Variants in TMX3 observed in about 807,000 individuals in gnomAD.
The protein encoded by TMX3 is protein disulfide-isomerase TMX3.
A neutral mutation model predicts 64.4 loss-of-function variants in TMX3; 40 were observed. The observed-to-expected ratio is 0.62, with a 90% CI of 0.48 to 0.81. The LOEUF (loss-of-function observed/expected upper bound fraction) is 0.81. Among genes scored for constraint, TMX3 ranks in the 30% least tolerant of loss-of-function variants. TMX3 has a pLI of 0.00. For missense variants in TMX3, 497 were observed against 534.5 expected, an observed-to-expected ratio of 0.93 and a Z score of 0.69; for synonymous variants, 189 against 175.7, an observed-to-expected ratio of 1.08 and a Z score of -0.60.
At position 68,676,857 on chromosome 18, in the gene TMX3, G is replaced by A; in HGVS notation, c.*76C>T. Reference sequence around the variant, plus strand: ...ACATGTTCTTTTCTGTAAAGATCATGATTAAATGTCTAAATTCAATAAATA... The same window carrying A: ...ACATGTTCTTTTCTGTAAAGATCATAATTAAATGTCTAAATTCAATAAATA... On this transcript the variant is annotated 3_prime_UTR_variant, in exon 16 of 16. Coordinates refer to ENST00000299608, the MANE Select transcript of TMX3 (RefSeq NM_019022.5). 1 of 1,514,380 alleles carries A rather than the reference G, an allele frequency of 6.6e-7. No homozygotes were observed. The allele number at this position is 1,514,380 out of a possible 1,614,324, so 93.8% of individuals were successfully genotyped here.
At chr18:68,686,136 G>A (rs1042873236) in intron 10 of TMX3, among the ~76,000 whole-genome samples, 1 of 152,106 alleles carries the variant, frequency 6.6e-6, no homozygotes, top group Admixed American at 6.5e-5. Flanking sequence ...GCCGCACAGC[G>A]TCAGGAGGCT....
Position 68,680,965 on chromosome 18 carries a change from G to A in TMX3, c.1035+16C>T, listed in dbSNP as rs1024556820. 1.9e-6 allele frequency: 3 copies of A among 1,563,606 alleles called. No homozygotes were observed. The highest frequency in any genetic ancestry group is 2.6e-6 in the Non-Finnish European group (3 of 1,156,722). On this transcript the variant is annotated intron_variant, in intron 14 of 15. Transcript: ENST00000299608. ...CCCTGTCCATCATCTCTTTGAAACAGAAGTGAACAACTTACTTCTACTGTG... is the reference window on the plus strand; with the variant it reads ...CCCTGTCCATCATCTCTTTGAAACAAAAGTGAACAACTTACTTCTACTGTG...
chr18:68,683,154 T>G (rs1195434455), intron 12 of TMX3, among the ~76,000 whole-genome samples, 173 bp from the exon 13 acceptor site: 1 of 152,034 alleles, frequency 6.6e-6, no homozygotes, highest in Admixed American at 6.6e-5. Context: ...CAATAAACAC[T>G]GCTAAAAGTG....
chr18:68,685,662 G>A (rs1162948204), intron 10 of TMX3, among the ~76,000 whole-genome samples: 1 of 152,110 alleles, frequency 6.6e-6, no homozygotes, highest in East Asian at 1.9e-4. Context: ...GGCTGGTTCC[G>A]AGGACATGGT....
At chr18:68,691,180 A>G in intron 9 of TMX3, 115 bp downstream of exon 9, 3 of 589,676 alleles carry the variant, frequency 5.1e-6, no homozygotes. Flanking sequence ...TCAAGTCATG[A>G]GAACTGTTAT....
chr18:68,682,534 G>T (rs769026982), intron 13 of TMX3, among the ~76,000 whole-genome samples: 44 of 152,032 alleles, frequency 2.9e-4, no homozygotes, highest in African/African-American at 9.9e-4. Context: ...TACAAAGTTA[G>T]TCTATCCAAT....
intron 2 of TMX3, 35 bp downstream of exon 2, chr18:68,713,811 A>G (rs1172389364): frequency 5.4e-6 from 6 of 1,119,390 alleles, no homozygotes; most frequent in Non-Finnish European, 7.3e-6. Context: ...TTGGACAGTT[A>G]AAATAATATT....
chr18:68,700,376 T>C (rs377084980), intron 6 of TMX3, 29 bp downstream of exon 6: 2 of 1,393,220 alleles, frequency 1.4e-6, no homozygotes, highest in African/African-American at 3.0e-5. Context: ...ATTAATAACA[T>C]ACAGTAAAGG....
chr18:68,684,357 A>AG (rs1913738830), intron 11 of TMX3, 71 bp downstream of exon 11: 21 of 1,512,474 alleles, frequency 1.4e-5, no homozygotes, highest in Non-Finnish European at 6.4e-6. Context: ...AAGATACCAT[A>AG]TCAAGTCTAT....
intron 10 of TMX3, 75 bp from the exon 11 acceptor site, chr18:68,684,560 A>G: frequency 8.1e-7 from 1 of 1,230,528 alleles, no homozygotes; most frequent in Non-Finnish European, 1.2e-6. Flanking sequence ...TTTAGTTCTG[A>G]GTAGGAAATT....
rs1912797550 is a variant in TMX3 at position 68,674,825 on chromosome 18, A to AAC, written c.*2107_*2108insGT. 6.6e-6 allele frequency: 1 copy of AAC among 152,162 alleles called. No individual in the cohort carries two copies. Among genetic ancestry groups the AAC allele is most frequent in the African/African-American group, 2.4e-5 (1 of 41,458 alleles). 9.4% of individuals were successfully genotyped at this position (152,162 alleles called of 1,614,324 possible). ...TTTGTTTTCCCAACAGACACACTTT[A>AAC]AAAGCACAAATAGAATATAAGGCAA... On this transcript the variant is annotated 3_prime_UTR_variant, in exon 16 of 16. Transcript: ENST00000299608.
chr18:68,677,379 T>C (rs954569161), intron 15 of TMX3, among the ~76,000 whole-genome samples, 186 bp from the exon 16 acceptor site: 1 of 152,194 alleles, frequency 6.6e-6, no homozygotes, highest in Non-Finnish European at 1.5e-5. Flanking sequence ...AATTTCTATA[T>C]GCACATACAT....
intron 10 of TMX3, chr18:68,687,358 T>C: frequency 1.0e-6 from 1 of 985,428 alleles, no homozygotes; most frequent in Non-Finnish European, 1.2e-6. Flanking sequence ...TTAACTCCTA[T>C]TACAAAATCA....
intron 5 of TMX3, chr18:68,701,029 A>C: frequency 1.0e-6 from 1 of 984,802 alleles, no homozygotes; most frequent in Non-Finnish European, 1.2e-6. Context: ...AATTTTAAAA[A>C]GGAAAAATTG....
At position 68,682,208 on chromosome 18, in the gene TMX3, G is replaced by A. The variant is rs914427979; in HGVS notation, c.905+717C>T. 7.9e-5 allele frequency among the ~76,000 whole-genome samples: 12 copies of A among 152,006 alleles called. 1 individual carries two copies. Among genetic ancestry groups the A allele is most frequent in the South Asian group, 4.1e-4 (2 of 4,826 alleles). On this transcript the variant is annotated intron_variant, in intron 13 of 15. Coordinates refer to ENST00000299608, the MANE Select transcript of TMX3 (RefSeq NM_019022.5). ...GGACTCTATTCATTTTTCCATCAAC[G>A]GTGTCTAATATAGTGTACAACATAC...
chr18:68,689,750 G>C (rs769118190), intron 9 of TMX3: 5 of 152,092 alleles, frequency 3.3e-5, no homozygotes, highest in Admixed American at 2.0e-4. Context: ...GTCTAATACA[G>C]ACATTCAATA....
intron 15 of TMX3, 108 bp from the exon 16 acceptor site, chr18:68,677,301 GT>G: frequency 8.2e-7 from 1 of 1,222,972 alleles, no homozygotes; most frequent in Non-Finnish European, 1.1e-6. Flanking sequence ...TATTCAGCTT[GT>G]TTTTAGTTCC....
At chr18:68,698,757 C>T (rs1239917235) in intron 6 of TMX3, among the ~76,000 whole-genome samples, 1 of 152,014 alleles carries the variant, frequency 6.6e-6, no homozygotes, top group African/African-American at 2.4e-5. Flanking sequence ...TGGCTCATGC[C>T]TGTACTCTCA....
At chr18:68,694,625 C>G (rs995588050) in intron 8 of TMX3, among the ~76,000 whole-genome samples, 1 of 151,280 alleles carries the variant, frequency 6.6e-6, no homozygotes, top group African/African-American at 2.5e-5. Context: ...AAAACCCAAG[C>G]AGAGGCGCCA....
Sources: allele counts gnomAD v4.1 joint callset (sites outside exome capture counted in the v4.1 genomes callset), GRCh38; gene constraint gnomAD v4.1.1; transcripts MANE v1.5; gene names NCBI Gene and HGNC (gene_info 2026-07-23, HGNC 2026-07-21).